Variants in MARCHF11 observed in about 807,000 individuals in gnomAD.
The protein encoded by MARCHF11 is E3 ubiquitin-protein ligase MARCHF11.
In MARCHF11, 29 loss-of-function variants were observed where a neutral mutation model predicts 37.3. The ratio of observed to expected loss-of-function variants is 0.78; its 90% CI spans 0.58 to 1.06. The LOEUF (loss-of-function observed/expected upper bound fraction) is 1.06. MARCHF11 is among the 50% of genes least tolerant of loss of function. The pLI, the probability that MARCHF11 is intolerant of heterozygous loss-of-function variation, is 0.00. For missense variants in MARCHF11, 482 were observed against 533.4 expected, an observed-to-expected ratio of 0.90 and a Z score of 0.95; for synonymous variants, 233 against 228.0, an observed-to-expected ratio of 1.02 and a Z score of -0.20.
In MARCHF11 at chr5:16,116,251, GC is replaced by G. The variant is rs1374674041; in HGVS notation, c.694-25171del. Among the ~76,000 whole-genome samples, 4 of 152,038 alleles carry G rather than the reference GC, an allele frequency of 2.6e-5. No homozygotes were observed. The East Asian group carries it at 7.7e-4, about 29-fold the overall frequency. On this transcript the variant is annotated intron_variant, in intron 2 of 3. Coordinates refer to ENST00000332432, the MANE Select transcript of MARCHF11 (RefSeq NM_001102562.3). ...CGTCTGTCTGTCTAACTCTGTACAGGCACAAAATTGAATCAATTTCTGTGAA... is the reference window on the plus strand; with the variant it reads ...CGTCTGTCTGTCTAACTCTGTACAGGACAAAATTGAATCAATTTCTGTGAA...
chr5:16,131,254 A>T (rs534267533), intron 2 of MARCHF11, among the ~76,000 whole-genome samples: 27 of 152,368 alleles, frequency 1.8e-4, no homozygotes, highest in African/African-American at 6.0e-4. Flanking sequence ...GCAGCAATGC[A>T]GTTTGGTTCA....
chr5:16,081,813 T>G (rs1736614432), intron 3 of MARCHF11, among the ~76,000 whole-genome samples: 1 of 152,196 alleles, frequency 6.6e-6, no homozygotes, highest in Non-Finnish European at 1.5e-5. Flanking sequence ...AAGAGCAAAG[T>G]GTTAGGTTGG....
intron 2 of MARCHF11, among the ~76,000 whole-genome samples, chr5:16,125,011 T>G (rs1737378548): frequency 6.6e-6 from 1 of 151,514 alleles, no homozygotes; most frequent in Non-Finnish European, 1.5e-5. Flanking sequence ...AATGTTGGCT[T>G]GGCCACATTC....
At chr5:16,123,537 A>G (rs918967966) in intron 2 of MARCHF11, among the ~76,000 whole-genome samples, 2 of 152,148 alleles carry the variant, frequency 1.3e-5, no homozygotes, top group African/African-American at 4.8e-5. Context: ...AAACTAATAC[A>G]CCATACATGG....
intron 2 of MARCHF11, among the ~76,000 whole-genome samples, chr5:16,167,655 T>C (rs552462461): frequency 6.6e-6 from 1 of 152,170 alleles, no homozygotes; most frequent in Admixed American, 6.5e-5. Flanking sequence ...CCATGATACA[T>C]AAAATTAACT....
At chr5:16,084,756 GTT>G (rs35564919) in intron 3 of MARCHF11, among the ~76,000 whole-genome samples, 4 of 130,636 alleles carry the variant, frequency 3.1e-5, no homozygotes, top group African/African-American at 1.1e-4. Flanking sequence ...AGAAGGAGCA[GTT>G]TTTTTTTTTT....
chr5:16,135,114 A>G (rs2126587305), intron 2 of MARCHF11, among the ~76,000 whole-genome samples: 1 of 152,286 alleles, frequency 6.6e-6, no homozygotes, highest in South Asian at 2.1e-4. Flanking sequence ...CAATGACTGC[A>G]TAATGGCAGA....
intron 2 of MARCHF11, among the ~76,000 whole-genome samples, chr5:16,136,882 T>C (rs896458049): frequency 1.3e-5 from 2 of 152,152 alleles, no homozygotes; most frequent in African/African-American, 2.4e-5. Flanking sequence ...TAAAGTGATA[T>C]AAGTAGCAGC....
intron 2 of MARCHF11, among the ~76,000 whole-genome samples, chr5:16,164,691 GAAGTTA>G (rs1451285010): frequency 6.6e-6 from 1 of 151,966 alleles, no homozygotes; most frequent in Non-Finnish European, 1.5e-5. Context: ...TAAATAACTT[GAAGTTA>G]AAGTCCACAT....
intron 2 of MARCHF11, among the ~76,000 whole-genome samples, chr5:16,097,964 C>T (rs1736898656): frequency 6.6e-6 from 1 of 152,040 alleles, no homozygotes; most frequent in Non-Finnish European, 1.5e-5. Flanking sequence ...AAATTGAATC[C>T]AGCAATATAT....
chr5:16,148,575 G>T (rs1398097506), intron 2 of MARCHF11, among the ~76,000 whole-genome samples: 1 of 152,130 alleles, frequency 6.6e-6, no homozygotes, highest in African/African-American at 2.4e-5. Flanking sequence ...CCGACCTATG[G>T]ATCCTTCTCC....
intron 3 of MARCHF11, among the ~76,000 whole-genome samples, chr5:16,090,654 A>G (rs1298009674): frequency 6.6e-6 from 1 of 151,986 alleles, no homozygotes; most frequent in African/African-American, 2.4e-5. Context: ...AAGTTGCACA[A>G]TATCTCACTT....
At chr5:16,153,119 G>C (rs1259031465) in intron 2 of MARCHF11, among the ~76,000 whole-genome samples, 1 of 151,990 alleles carries the variant, frequency 6.6e-6, no homozygotes, top group African/African-American at 2.4e-5. Context: ...CACAGAAAAG[G>C]TAAGGGTCAT....
chr5:16,094,866 CTT>C (rs1736840292), intron 2 of MARCHF11, among the ~76,000 whole-genome samples: 1 of 152,062 alleles, frequency 6.6e-6, no homozygotes, highest in Non-Finnish European at 1.5e-5. Flanking sequence ...AGGCCAGGCA[CTT>C]TTCTAAGAGG....
intron 2 of MARCHF11, among the ~76,000 whole-genome samples, chr5:16,172,715 A>G (rs1738290721): frequency 6.6e-6 from 1 of 152,186 alleles, no homozygotes; most frequent in Non-Finnish European, 1.5e-5. Flanking sequence ...GCTACATCCT[A>G]CTAACAATCA....
intron 3 of MARCHF11, among the ~76,000 whole-genome samples, chr5:16,078,204 G>A (rs1413128974): frequency 6.6e-6 from 1 of 152,042 alleles, no homozygotes; most frequent in Non-Finnish European, 1.5e-5. Flanking sequence ...CTTATTTTGG[G>A]TCCTGCTCAC....
intron 3 of MARCHF11, among the ~76,000 whole-genome samples, chr5:16,079,095 C>T (rs2126548121): frequency 6.6e-6 from 1 of 152,278 alleles, no homozygotes; most frequent in East Asian, 1.9e-4. Flanking sequence ...CTGCTCCATC[C>T]CCCTAGACCC....
chr5:16,125,738 C>T (rs1415928363), intron 2 of MARCHF11, among the ~76,000 whole-genome samples: 9 of 151,490 alleles, frequency 5.9e-5, no homozygotes, highest in Non-Finnish European at 1.2e-4. Flanking sequence ...ATAAGTGGCC[C>T]AATTGTGAGG....
chr5:16,090,130 G>C (rs576289999), intron 3 of MARCHF11, among the ~76,000 whole-genome samples: 3 of 151,954 alleles, frequency 2.0e-5, no homozygotes, highest in Non-Finnish European at 4.4e-5. Context: ...CCAATGCCGT[G>C]GTACCTCCCC....
Sources: gnomAD v4.1 joint callset for allele counts (sites outside exome capture counted in the v4.1 genomes callset) on GRCh38, gnomAD v4.1.1 for gene constraint, MANE v1.5 for transcripts, NCBI Gene and HGNC (gene_info 2026-07-23, HGNC 2026-07-21) for gene names.